Variants in MARCO observed in about 807,000 individuals in gnomAD.
The protein encoded by MARCO is macrophage receptor with collagenous structure.
MARCO carries 72 observed loss-of-function variants against 70.0 expected under a neutral mutation model. That is an observed-to-expected ratio of 1.03 (90% confidence interval 0.85 to 1.25). The LOEUF (loss-of-function observed/expected upper bound fraction) is 1.25, where lower values mean the gene tolerates loss of function less well. Ranked by LOEUF, MARCO falls within the 50% of genes most tolerant of loss-of-function variation. The pLI, the probability that MARCO is intolerant of heterozygous loss-of-function variation, is 0.00. For synonymous variants in MARCO, 273 were observed against 243.1 expected (o/e 1.12, Z -1.14); for missense variants, 696 against 659.3 (o/e 1.06, Z -0.61).
At chr2:118,947,612 G>C (rs911269962) in intron 1 of MARCO, among the ~76,000 whole-genome samples, 3 of 136,930 alleles carry the variant, frequency 2.2e-5, no homozygotes, top group Admixed American at 6.9e-5. Flanking sequence ...CTGTTGAATT[G>C]CTTTTACACC....
intron 7 of MARCO, 138 bp downstream of exon 7, chr2:118,977,653 C>G (rs1042611520): frequency 1.0e-5 from 8 of 779,702 alleles, no homozygotes; most frequent in African/African-American, 9.0e-5. Context: ...GTCCTCTTCT[C>G]TTGAGTCCTG....
At chr2:118,973,523 C>T (rs75554625) in intron 4 of MARCO, among the ~76,000 whole-genome samples, 1,859 of 152,310 alleles carry the variant, frequency 0.012, 95 homozygotes, top group South Asian at 0.12. Context: ...CCAGATTCCC[C>T]GCCCATCACC....
chr2:118,986,604 A>AGAAAGAAAGAAG (rs1680493008), intron 12 of MARCO, among the ~76,000 whole-genome samples: 1 of 17,392 alleles, frequency 5.7e-5, no homozygotes, highest in Non-Finnish European at 1.1e-4. Flanking sequence ...AAAGAAAGAA[A>AGAAAGAAAGAAG]GAAAGAAAGA....
intron 1 of MARCO, among the ~76,000 whole-genome samples, chr2:118,966,081 C>A (rs1680042066): frequency 6.6e-6 from 1 of 151,322 alleles, no homozygotes; most frequent in South Asian, 2.1e-4. Flanking sequence ...TGGAGGAGGA[C>A]ACCCTACCAG....
intron 1 of MARCO, among the ~76,000 whole-genome samples, chr2:118,951,221 C>T (rs1679716716): frequency 6.6e-6 from 1 of 152,204 alleles, no homozygotes; most frequent in African/African-American, 2.4e-5. Context: ...ATCCTGTCAC[C>T]AAGGAGGAAC....
chr2:118,980,796 C>T (rs971183163), intron 8 of MARCO, among the ~76,000 whole-genome samples: 2 of 152,142 alleles, frequency 1.3e-5, no homozygotes, highest in Admixed American at 6.5e-5. Context: ...TCACAGAGCC[C>T]TACCCCAGTG....
chr2:118,968,343 G>A (rs2119112), intron 1 of MARCO, among the ~76,000 whole-genome samples: 28,046 of 152,180 alleles, frequency 0.18, 3,419 homozygotes, highest in African/African-American at 0.33. Context: ...TCTCTAAGGA[G>A]TATTAGGCAG....
In MARCO at chr2:118,993,295, G is replaced by A; in HGVS notation, c.1424G>A (p.Gly475Glu). The change falls in exon 16 of 17, where the codon GGA (glycine) becomes GAA (glutamate). Residue 475 changes from glycine to glutamate, a missense_variant. Around this residue, in one of 3 missense-constraint regions of MARCO, gnomAD observed 58 missense variants for 62.1 expected, o/e 0.93. Transcript: ENST00000327097. ...AAAGGAAGGGCCCTGTACAAAGTGG[G>A]AGCTGGTAAGTGAGTCATCAGCCGG... is the stretch of plus-strand genomic sequence containing the variant. ...YSKGRALYKV[G>E]AGTGQIWLDN... The A allele has an allele frequency of 1.2e-6, 2 of 1,614,108 alleles. No individual in the cohort carries two copies. The highest frequency in any genetic ancestry group is 1.7e-6 in the Non-Finnish European group (2 of 1,180,004).
chr2:118,967,496 G>A (rs1680075058), intron 1 of MARCO, among the ~76,000 whole-genome samples: 2 of 152,130 alleles, frequency 1.3e-5, no homozygotes, highest in African/African-American at 2.4e-5. Flanking sequence ...GGCAGGTTAT[G>A]TGTTGTGGGG....
intron 1 of MARCO, among the ~76,000 whole-genome samples, chr2:118,965,993 C>G (rs1284839873): frequency 6.6e-6 from 1 of 152,106 alleles, no homozygotes; most frequent in Non-Finnish European, 1.5e-5. Flanking sequence ...AGGACACCTG[C>G]TCAATGTCCA....
Position 118,981,675 on chromosome 2 carries a change from TG to T in MARCO, c.901+22del, listed in dbSNP as rs1680395306. ...GATCAAGGTAAGAACTACAGGAATC[TG>T]GGCATCATCCCAGCTACGACTGTCC... On this transcript the variant is annotated intron_variant, in intron 10 of 16. Coordinates refer to ENST00000327097, the MANE Select transcript of MARCO (RefSeq NM_006770.4). The T allele has an allele frequency of 1.9e-6, 3 of 1,612,150 alleles. No individual in the cohort carries two copies. The highest frequency in any genetic ancestry group is 2.5e-6 in the Non-Finnish European group (3 of 1,178,264).
In MARCO at chr2:118,994,599, T is replaced by A. The variant is rs1327062755; in HGVS notation, c.*79T>A. The A allele has an allele frequency of 4.6e-5, 65 of 1,423,956 alleles. No individual in the cohort carries two copies. The East Asian group carries it at 1.5e-3, about 33-fold the overall frequency. The allele number at this position is 1,423,956 out of a possible 1,614,324, so 88.2% of individuals were successfully genotyped here. On this transcript the variant is annotated 3_prime_UTR_variant, in exon 17 of 17. Transcript: ENST00000327097. ...GGAAGGCAGAGGATCTCTGAGGAGTTCCCTGGGGACAACTGAGCAGCCTCT... is the reference window on the plus strand; with the variant it reads ...GGAAGGCAGAGGATCTCTGAGGAGTACCCTGGGGACAACTGAGCAGCCTCT...
intron 3 of MARCO, among the ~76,000 whole-genome samples, chr2:118,971,010 G>A (rs1318689859): frequency 1.3e-5 from 2 of 152,202 alleles, no homozygotes; most frequent in Admixed American, 6.5e-5. Flanking sequence ...CGCCCAGCAC[G>A]GGACCCAGGA....
chr2:118,950,554 G>A (rs940465704), intron 1 of MARCO, among the ~76,000 whole-genome samples: 1 of 152,074 alleles, frequency 6.6e-6, no homozygotes, highest in African/African-American at 2.4e-5. Flanking sequence ...TACATACCTT[G>A]CATATAAACT....
intron 1 of MARCO, among the ~76,000 whole-genome samples, chr2:118,953,381 A>G (rs1261048771): frequency 6.6e-6 from 1 of 152,232 alleles, no homozygotes. Context: ...TTTGAAGAGG[A>G]AACTTTTTAC....
chr2:118,990,513 G>T, intron 12 of MARCO, 76 bp from the exon 13 acceptor site: 2 of 1,411,470 alleles, frequency 1.4e-6, no homozygotes, highest in South Asian at 1.2e-5. Context: ...AAAGGTAGAG[G>T]TTGTCTAAGA....
rs1257122987 is a variant in MARCO, at chr2:118,994,560, CG to C, written c.*43del. ...CACTTCTCTGCTCCCGAGGTGTCCT[CG>C]GGCTCATATGTGGGAAGGCAGAGGA... On this transcript the variant is annotated 3_prime_UTR_variant, in exon 17 of 17. Transcript: ENST00000327097. 7 of 1,530,056 alleles carry C rather than the reference CG, an allele frequency of 4.6e-6. No individual in the cohort carries two copies. In the Admixed American group the frequency reaches 6.2e-5, roughly 14 times the overall value. The allele number at this position is 1,530,056 out of a possible 1,614,324, so 94.8% of individuals were successfully genotyped here. A position where few individuals can be genotyped will look rare whatever the true frequency, so the allele number is the denominator to read the frequency against.
intron 1 of MARCO, among the ~76,000 whole-genome samples, chr2:118,955,959 GTTTAAATCT>G (rs1679828991): frequency 1.9e-5 from 2 of 102,850 alleles, no homozygotes; most frequent in African/African-American, 1.1e-4. Context: ...AACTTGAACT[GTTTAAATCT>G]GTTTAAATCT....
chr2:118,961,895 A>G (rs961990105), intron 1 of MARCO, among the ~76,000 whole-genome samples: 1 of 152,186 alleles, frequency 6.6e-6, no homozygotes, highest in Non-Finnish European at 1.5e-5. Flanking sequence ...TAATTTTTGT[A>G]TAAGATGTAA....
Sources: gnomAD v4.1 joint callset for allele counts (sites outside exome capture counted in the v4.1 genomes callset) on GRCh38, gnomAD v4.1.1 for gene constraint, gnomAD v4.1.1 regional missense constraint, MANE v1.5 for transcripts, NCBI Gene and HGNC (gene_info 2026-07-23, HGNC 2026-07-21) for gene names.